SCMH1: variants seen among roughly 807,000 people sequenced by gnomAD.
The protein encoded by SCMH1 is Scm polycomb group protein homolog 1, also known as polycomb protein SCMH1.
Under a neutral mutation model 70.8 loss-of-function variants are expected in SCMH1, and 37 were observed. The ratio of observed to expected loss-of-function variants is 0.52; its 90% CI spans 0.40 to 0.69. SCMH1 has a LOEUF of 0.69. Ranked by LOEUF, SCMH1 falls within the 30% of genes least tolerant of loss-of-function variation. The pLI is 0.00. For missense variants in SCMH1, 607 were observed against 827.3 expected, an observed-to-expected ratio of 0.73 and a Z score of 3.27; for synonymous variants, 292 against 307.4, an observed-to-expected ratio of 0.95 and a Z score of 0.52.
rs201379184 is a variant in SCMH1, at chr1:41,229,539, A to AC, written c.-118+12519_-118+12520insG. ...CTCACTCACAGGTGGGAAGTGAACAATGAGAACACTTGGACACAGGGAGGG... is the reference window on the plus strand; with the variant it reads ...CTCACTCACAGGTGGGAAGTGAACAACTGAGAACACTTGGACACAGGGAGGG... On this transcript the variant is annotated intron_variant, in intron 1 of 14. Transcript: ENST00000337495. 2.8e-4 allele frequency among the ~76,000 whole-genome samples: 42 copies of AC among 152,296 alleles called. No individual in the cohort carries two copies. The East Asian group carries it at 7.1e-3, about 26-fold the overall frequency.
intron 10 of SCMH1, among the ~76,000 whole-genome samples, chr1:41,060,427 T>A (rs1165146349): frequency 6.6e-6 from 1 of 151,412 alleles, no homozygotes; most frequent in East Asian, 1.9e-4. Flanking sequence ...CCTAAAGTTC[T>A]GTACCCTGCA....
chr1:41,090,835 C>A (rs746363793), intron 8 of SCMH1, among the ~76,000 whole-genome samples: 1 of 151,850 alleles, frequency 6.6e-6, no homozygotes, highest in African/African-American at 2.4e-5. Context: ...GTCAGGAGAT[C>A]GAGACCATCC....
chr1:41,161,487 T>C lies in SCMH1; in HGVS notation c.14-55A>G, dbSNP rs144096484. On this transcript the variant is annotated intron_variant, in intron 2 of 14. Transcript: ENST00000337495. ...GAAAGAAAGTATAAGATTAAATACT[T>C]TTCCAATTTGGCAGTATGTATTAAC... 1.3e-3 allele frequency: 2,024 copies of C among 1,507,404 alleles called. 7 individuals are homozygous for C. Among genetic ancestry groups the C allele is most frequent in the South Asian group, 4.1e-3 (319 of 76,948 alleles). 93.4% of individuals were successfully genotyped at this position (1,507,404 alleles called of 1,614,324 possible).
intron 10 of SCMH1, among the ~76,000 whole-genome samples, chr1:41,055,033 T>C (rs1482154404): frequency 6.6e-6 from 1 of 152,108 alleles, no homozygotes. Flanking sequence ...TCCTCCCACC[T>C]TGGCCTTCCA....
rs561726492 is a variant in SCMH1 at position 41,124,856 on chromosome 1, A to G, written c.413-7846T>C. Among the ~76,000 whole-genome samples, 95 of 152,312 alleles carry G rather than the reference A, an allele frequency of 6.2e-4. 1 individual carries two copies. Among genetic ancestry groups the G allele is most frequent in the Non-Finnish European group, 3.8e-4 (26 of 68,026 alleles). ...AGTAATCATTCCGCCTCAGCCTCCC[A>G]AAGTGCTGGCTCTGATTACAGGCAT... On this transcript the variant is annotated intron_variant, in intron 6 of 14. Transcript: ENST00000337495.
chr1:41,197,422 A>C (rs1653287450), intron 1 of SCMH1, among the ~76,000 whole-genome samples: 1 of 152,218 alleles, frequency 6.6e-6, no homozygotes, highest in African/African-American at 2.4e-5. Flanking sequence ...CACTGTGCTA[A>C]GTGAAACTGG....
chr1:41,072,060 A>AT (rs1491204913), intron 9 of SCMH1, among the ~76,000 whole-genome samples: 20 of 152,208 alleles, frequency 1.3e-4, no homozygotes. Flanking sequence ...GCTGGGAGCC[A>AT]TATCAACCTG....
At chr1:41,149,184 G>A (rs760886124) in intron 5 of SCMH1, among the ~76,000 whole-genome samples, 2 of 151,992 alleles carry the variant, frequency 1.3e-5, no homozygotes, top group East Asian at 1.9e-4. Flanking sequence ...CCAATTACAC[G>A]TCTATTTGGT....
chr1:41,238,518 C>T (rs977341929), intron 1 of SCMH1, among the ~76,000 whole-genome samples: 15 of 152,280 alleles, frequency 9.9e-5, no homozygotes, highest in African/African-American at 3.6e-4. Flanking sequence ...TACCCCACCT[C>T]CTCATCTGTC....
intron 4 of SCMH1, among the ~76,000 whole-genome samples, chr1:41,157,086 C>A (rs903285635): frequency 6.6e-6 from 1 of 151,162 alleles, no homozygotes; most frequent in Admixed American, 6.6e-5. Flanking sequence ...CCAGAGTAGC[C>A]GGGACTACAG....
chr1:41,028,113 C>T, exon 15 of SCMH1: 1 of 1,568,804 alleles, frequency 6.4e-7, no homozygotes, highest in Non-Finnish European at 8.7e-7. Context: ...ACTGAGGTGC[C>T]TGGGGTGGGC....
At chr1:41,075,406 T>A (rs1310873702) in exon 9 of SCMH1, 1 of 1,614,092 alleles carries the variant, frequency 6.2e-7, no homozygotes, top group South Asian at 1.1e-5. Flanking sequence ...GCTGGGCTTC[T>A]CAGTATTCAC....
chr1:41,120,572 C>A (rs1208276526), intron 6 of SCMH1, among the ~76,000 whole-genome samples: 2 of 152,168 alleles, frequency 1.3e-5, no homozygotes. Context: ...ATATTTTGAA[C>A]CCAAGAAATT....
At chr1:41,235,856 G>C (rs1416953208) in intron 1 of SCMH1, among the ~76,000 whole-genome samples, 1 of 152,058 alleles carries the variant, frequency 6.6e-6, no homozygotes, top group East Asian at 1.9e-4. Context: ...ATATAAATGT[G>C]TTCTGCAATT....
intron 4 of SCMH1, among the ~76,000 whole-genome samples, chr1:41,154,379 C>T (rs934529946): frequency 3.9e-5 from 6 of 152,170 alleles, no homozygotes; most frequent in Admixed American, 3.9e-4. Flanking sequence ...GTTTCTACAG[C>T]TAACTATCTT....
chr1:41,232,940 C>G (rs981600656), intron 1 of SCMH1, among the ~76,000 whole-genome samples: 1 of 152,108 alleles, frequency 6.6e-6, no homozygotes, highest in Admixed American at 6.5e-5. Flanking sequence ...TGTGGCAGCC[C>G]CTCAAATGTT....
intron 8 of SCMH1, among the ~76,000 whole-genome samples, chr1:41,111,400 T>C (rs1669212909): frequency 6.6e-6 from 1 of 152,198 alleles, no homozygotes; most frequent in Admixed American, 6.5e-5. Flanking sequence ...AGTGTATTGG[T>C]GCGATCTTGG....
intron 8 of SCMH1, among the ~76,000 whole-genome samples, chr1:41,106,967 C>T (rs1359940219): frequency 1.3e-5 from 2 of 151,768 alleles, no homozygotes; most frequent in Non-Finnish European, 2.9e-5. Flanking sequence ...GGATTATAGG[C>T]GTGAGCCACC....
rs143004743 is a variant in SCMH1 at position 41,207,610 on chromosome 1, T to C, written c.-117-21360A>G. On this transcript the variant is annotated intron_variant, in intron 1 of 14. Coordinates refer to ENST00000337495, the Ensembl canonical transcript of SCMH1. ...AATAATGGGAGACTTTAATACCCCATTGTCAATATTAGACAGATCAACAAG... is the reference window on the plus strand; with the variant it reads ...AATAATGGGAGACTTTAATACCCCACTGTCAATATTAGACAGATCAACAAG... Among the ~76,000 whole-genome samples, 10 of 152,278 alleles carry C rather than the reference T, an allele frequency of 6.6e-5. No individual in the cohort carries two copies. In the East Asian group the frequency reaches 1.7e-3, roughly 26 times the overall value.
Sources: allele counts gnomAD v4.1 joint callset (sites outside exome capture counted in the v4.1 genomes callset), GRCh38; gene constraint gnomAD v4.1.1; transcripts MANE v1.5; gene names NCBI Gene and HGNC (gene_info 2026-07-23, HGNC 2026-07-21).